UPF2: variants seen among roughly 807,000 people sequenced by gnomAD.
The protein encoded by UPF2 is regulator of nonsense transcripts 2.
Under a neutral mutation model 141.4 loss-of-function variants are expected in UPF2, and 17 were observed. That is an observed-to-expected ratio of 0.12 (90% CI 0.08 to 0.18). UPF2 has a LOEUF of 0.18. Ranked by LOEUF, UPF2 falls within the 10% of genes least tolerant of loss-of-function variation. The pLI is 1.00. For missense variants in UPF2, 1,152 were observed against 1,515.9 expected, an observed-to-expected ratio of 0.76 and a Z score of 3.99; for synonymous variants, 540 against 498.0, an observed-to-expected ratio of 1.08 and a Z score of -1.12.
intron 2 of UPF2, among the ~76,000 whole-genome samples, chr10:12,031,868 T>C (rs1834529954): frequency 6.6e-6 from 1 of 152,212 alleles, no homozygotes; most frequent in African/African-American, 2.4e-5. Flanking sequence ...TTATTTGATT[T>C]TTCCATTAAA....
chr10:11,967,573 CAG>C (rs958023725), intron 9 of UPF2, 119 bp from the exon 10 acceptor site: 17 of 496,190 alleles, frequency 3.4e-5, no homozygotes, highest in Admixed American at 1.2e-4. Context: ...TTTTTTGAGA[CAG>C]AGTTTCGCTT....
intron 9 of UPF2, among the ~76,000 whole-genome samples, chr10:11,975,932 T>C (rs1350774877): frequency 6.6e-6 from 1 of 152,194 alleles, no homozygotes; most frequent in Non-Finnish European, 1.5e-5. Flanking sequence ...TTTTCCCTAT[T>C]AGAGTCATAC....
intron 10 of UPF2, among the ~76,000 whole-genome samples, chr10:11,965,972 A>T (rs1480158384): frequency 1.3e-5 from 2 of 152,222 alleles, no homozygotes; most frequent in Admixed American, 6.5e-5. Context: ...ATGCAGAAGA[A>T]TTATTCCATC....
At chr10:11,950,480 C>T (rs975440806) in intron 15 of UPF2, among the ~76,000 whole-genome samples, 2 of 152,148 alleles carry the variant, frequency 1.3e-5, no homozygotes, top group African/African-American at 4.8e-5. Context: ...TCACAAACAG[C>T]GATCTATTTT....
intron 19 of UPF2, among the ~76,000 whole-genome samples, chr10:11,934,743 C>T (rs1425938541): frequency 6.6e-6 from 1 of 152,184 alleles, no homozygotes; most frequent in Non-Finnish European, 1.5e-5. Flanking sequence ...GCACACGCCA[C>T]CAAGCCTGGC....
intron 21 of UPF2, among the ~76,000 whole-genome samples, chr10:11,926,112 A>C (rs2131145963): frequency 6.6e-6 from 1 of 152,346 alleles, no homozygotes; most frequent in East Asian, 1.9e-4. Context: ...TGGGCAGAGA[A>C]TAGAAAAGGC....
At chr10:12,010,477 G>T (rs1284633243) in intron 4 of UPF2, among the ~76,000 whole-genome samples, 1 of 152,102 alleles carries the variant, frequency 6.6e-6, no homozygotes, top group African/African-American at 2.4e-5. Flanking sequence ...TAAGTTATTA[G>T]ACACCGTAGA....
At chr10:12,038,627 G>A (rs983298382) in intron 1 of UPF2, among the ~76,000 whole-genome samples, 11 of 151,654 alleles carry the variant, frequency 7.3e-5, no homozygotes, top group African/African-American at 2.4e-5. Flanking sequence ...TACTCGGGAG[G>A]CTGAAGCAAG....
Position 11,987,266 on chromosome 10 carries a change from A to G in UPF2, c.1845-8101T>C, listed in dbSNP as rs142385311. ...TCTGCGCAGCAAACCACCACGGTAC[A>G]TGTTTACCTATGCAACAAACCTGCA... On this transcript the variant is annotated intron_variant, in intron 8 of 21. Transcript: ENST00000357604. Among the ~76,000 whole-genome samples, 1,048 of 152,336 alleles carry G rather than the reference A, an allele frequency of 6.9e-3. 13 individuals are homozygous for G. The highest frequency in any genetic ancestry group is 0.024 in the African/African-American group (979 of 41,570).
intron 9 of UPF2, among the ~76,000 whole-genome samples, chr10:11,978,269 C>G (rs10795914): frequency 1.3e-5 from 2 of 152,006 alleles, no homozygotes; most frequent in Non-Finnish European, 2.9e-5. Context: ...GCATTCTGAG[C>G]AACTTATGAT....
chr10:12,006,110 G>A (rs1304977705), intron 4 of UPF2, among the ~76,000 whole-genome samples: 2 of 144,582 alleles, frequency 1.4e-5, no homozygotes, highest in East Asian at 2.1e-4. Flanking sequence ...AAACTCCTAA[G>A]TTCAGGGGAT....
Position 11,940,848 on chromosome 10 carries a change from G to A in UPF2, c.3378+1817C>T, listed in dbSNP as rs954565564. Among the ~76,000 whole-genome samples, 9 of 152,130 alleles carry A rather than the reference G, an allele frequency of 5.9e-5. 1 individual carries two copies. The highest frequency in any genetic ancestry group is 2.2e-4 in the African/African-American group (9 of 41,420). On this transcript the variant is annotated intron_variant, in intron 18 of 21. Transcript: ENST00000357604. The surrounding 1 kb of genome is among the most constrained non-coding windows in gnomAD (Gnocchi z 4.2). ...GGATTGTGCCCCGCCCTCTATTAGTGCTGGCCGCCTTTTAGTTTTTTAAAT... is the reference window on the plus strand; with the variant it reads ...GGATTGTGCCCCGCCCTCTATTAGTACTGGCCGCCTTTTAGTTTTTTAAAT...
intron 16 of UPF2, among the ~76,000 whole-genome samples, chr10:11,944,567 T>C (rs1832978285): frequency 6.6e-6 from 1 of 152,224 alleles, no homozygotes; most frequent in South Asian, 2.1e-4. Context: ...TGAATTAATT[T>C]TATAATTCAA....
chr10:12,041,877 G>A (rs926412416), intron 1 of UPF2, among the ~76,000 whole-genome samples: 1 of 152,126 alleles, frequency 6.6e-6, no homozygotes, highest in Non-Finnish European at 1.5e-5. Context: ...GCATCGTTTC[G>A]TGTCGTGTAA....
rs1739974040 is a variant in UPF2, at chr10:11,980,646, T to A, written c.1845-1481A>T. Among the ~76,000 whole-genome samples the A allele has an allele frequency of 6.6e-6, 1 of 151,700 alleles. No homozygotes were observed. Among genetic ancestry groups the A allele is most frequent in the South Asian group, 2.1e-4 (1 of 4,798 alleles). Reference sequence around the variant, plus strand: ...TACTCGGGAGACTGAGGCAGGAGAATCACTTGAACCCAGGAGGCAGAGGTT... The same window carrying A: ...TACTCGGGAGACTGAGGCAGGAGAAACACTTGAACCCAGGAGGCAGAGGTT... On this transcript the variant is annotated intron_variant, in intron 8 of 21. Transcript: ENST00000357604. This position sits in a 1 kb window ranked among gnomAD's most constrained non-coding sequence, Gnocchi z 4.2.
intron 3 of UPF2, among the ~76,000 whole-genome samples, chr10:12,018,676 CAGG>C (rs1253406684): frequency 6.6e-6 from 1 of 152,090 alleles, no homozygotes; most frequent in Non-Finnish European, 1.5e-5. Flanking sequence ...CACCTGAACC[CAGG>C]AGGTCGAGGC....
At position 12,016,346 on chromosome 10, in the gene UPF2, G is replaced by A. The variant is rs1161045554; in HGVS notation, c.1146-2162C>T. On this transcript the variant is annotated intron_variant, in intron 3 of 21. Coordinates refer to ENST00000357604, the MANE Select transcript of UPF2 (RefSeq NM_015542.4). The surrounding 1 kb of genome is among the most constrained non-coding windows in gnomAD (Gnocchi z 4.1). ...CCCAAAATGTTGGGATTACAGGTGTGAGCCACCACACTCGGCCAAAATTAA... is the reference window on the plus strand; with the variant it reads ...CCCAAAATGTTGGGATTACAGGTGTAAGCCACCACACTCGGCCAAAATTAA... Among the ~76,000 whole-genome samples the A allele has an allele frequency of 6.6e-6, 1 of 152,084 alleles. No homozygotes were observed. The highest frequency in any genetic ancestry group is 1.5e-5 in the Non-Finnish European group (1 of 68,020).
At chr10:12,013,487 C>G (rs1198425512) in intron 4 of UPF2, among the ~76,000 whole-genome samples, 1 of 152,002 alleles carries the variant, frequency 6.6e-6, no homozygotes, top group Non-Finnish European at 1.5e-5. Context: ...GTTGGTCAGG[C>G]TGGTCTTGAA....
At chr10:12,030,458 T>C (rs1195944921) in intron 2 of UPF2, among the ~76,000 whole-genome samples, 29 of 151,406 alleles carry the variant, frequency 1.9e-4, no homozygotes, top group Non-Finnish European at 1.5e-5. Context: ...TGCTTAAACC[T>C]GGGAGTCGGA....
Sources: allele counts gnomAD v4.1 joint callset (sites outside exome capture counted in the v4.1 genomes callset), GRCh38; gene constraint gnomAD v4.1.1; non-coding constraint Gnocchi (gnomAD v3.1); transcripts MANE v1.5; gene names NCBI Gene and HGNC (gene_info 2026-07-23, HGNC 2026-07-21).